ITGB1: variants seen among roughly 807,000 people sequenced by gnomAD.
ITGB1 encodes the protein integrin beta-1.
ITGB1 carries 24 observed loss-of-function variants against 86.5 expected under a neutral mutation model. That is an observed-to-expected ratio of 0.28 (90% CI 0.20 to 0.39). The LOEUF is 0.39. Ranked by LOEUF, ITGB1 falls within the 10% of genes least tolerant of loss-of-function variation. The pLI is 1.00. For missense variants in ITGB1, 556 were observed against 946.9 expected (o/e 0.59, Z 5.42); for synonymous variants, 323 against 316.8 (o/e 1.02, Z -0.21).
In ITGB1 at chr10:32,908,039, A is replaced by C. The variant is rs149220921; in HGVS notation, c.2331+329T>G. Among the ~76,000 whole-genome samples the C allele has an allele frequency of 7.2e-5, 11 of 152,248 alleles. No homozygotes were observed. The East Asian group carries it at 1.9e-3, about 27-fold the overall frequency. On this transcript the variant is annotated intron_variant, in intron 15 of 15. Transcript: ENST00000302278. ...TAAAGAAAGAAGCAGCTTTCCATTGAATAGCTTGCTACACAGATAACATTA... is the reference window on the plus strand; with the variant it reads ...TAAAGAAAGAAGCAGCTTTCCATTGCATAGCTTGCTACACAGATAACATTA...
intron 10 of ITGB1, 63 bp downstream of exon 10, chr10:32,920,182 T>C (rs2094944697): frequency 6.3e-7 from 1 of 1,576,734 alleles, no homozygotes; most frequent in South Asian, 1.1e-5. Flanking sequence ...TTTCTCAAAC[T>C]ATAAACTAAA....
At chr10:32,923,862 C>T in intron 6 of ITGB1, 122 bp from the exon 7 acceptor site, 3 of 772,938 alleles carry the variant, frequency 3.9e-6, no homozygotes, top group Middle Eastern at 2.8e-4. Flanking sequence ...TGTGTCTTCT[C>T]TTTATACAAT....
At chr10:32,923,482 C>T in intron 7 of ITGB1, 103 bp downstream of exon 7, 1 of 1,022,794 alleles carries the variant, frequency 9.8e-7, no homozygotes, top group Non-Finnish European at 1.4e-6. Context: ...ACAGCAAAAC[C>T]TCAAACCCTG....
intron 14 of ITGB1, among the ~76,000 whole-genome samples, chr10:32,909,983 T>C (rs2488320): frequency 0.46 from 69,323 of 152,012 alleles, 18,097 homozygotes; most frequent in Non-Finnish European, 0.59. Context: ...CTAAGCGTCT[T>C]ATATAAATCA....
chr10:32,935,387 G>A (rs1041152125), intron 2 of ITGB1, 105 bp downstream of exon 2: 14 of 694,676 alleles, frequency 2.0e-5, no homozygotes, highest in Admixed American at 1.4e-4. Flanking sequence ...GCTTCCAGAA[G>A]GAGCAGCATG....
At chr10:32,913,472 A>G (rs1260458602) in intron 11 of ITGB1, among the ~76,000 whole-genome samples, 1 of 152,224 alleles carries the variant, frequency 6.6e-6, no homozygotes, top group African/African-American at 2.4e-5. Flanking sequence ...AGAAGACCTT[A>G]AATGACCTGA....
intron 1 of ITGB1, among the ~76,000 whole-genome samples, chr10:32,948,243 A>T (rs554624052): frequency 1.3e-4 from 20 of 152,334 alleles, no homozygotes; most frequent in Admixed American, 3.3e-4. Context: ...GTGCTTTCTA[A>T]CAATCAGATT....
intron 1 of ITGB1, 82 bp from the exon 2 acceptor site, chr10:32,935,640 A>AC: frequency 2.1e-6 from 2 of 946,912 alleles, no homozygotes; most frequent in South Asian, 1.4e-5. Context: ...ACCCCACCGT[A>AC]CCTTCTATTG....
chr10:32,924,911 T>G (rs2094960373), intron 6 of ITGB1, among the ~76,000 whole-genome samples: 2 of 152,244 alleles, frequency 1.3e-5, no homozygotes, highest in Non-Finnish European at 2.9e-5. Flanking sequence ...GATACTATCA[T>G]GATCCCTTCT....
At chr10:32,931,072 A>AT (rs1225069487) in intron 3 of ITGB1, among the ~76,000 whole-genome samples, 2 of 152,128 alleles carry the variant, frequency 1.3e-5, no homozygotes, top group African/African-American at 2.4e-5. Context: ...TTTACATAAG[A>AT]TTTTTTAAGA....
At chr10:32,915,856 A>C (rs965557813) in intron 11 of ITGB1, among the ~76,000 whole-genome samples, 3 of 152,222 alleles carry the variant, frequency 2.0e-5, no homozygotes, top group African/African-American at 2.4e-5. Context: ...GCAGAGACAC[A>C]ACAAAGAAAG....
chr10:32,946,212 T>C (rs887601990), intron 1 of ITGB1, among the ~76,000 whole-genome samples: 2 of 152,178 alleles, frequency 1.3e-5, no homozygotes, highest in African/African-American at 4.8e-5. Flanking sequence ...AGAAAACCTA[T>C]GGAATTATGT....
intron 1 of ITGB1, chr10:32,944,572 G>C: frequency 2.0e-6 from 1 of 501,968 alleles, no homozygotes. Flanking sequence ...TTGACCAAAG[G>C]AAACTCATCC....
intron 1 of ITGB1, among the ~76,000 whole-genome samples, chr10:32,936,952 T>C (rs770098661): frequency 6.6e-6 from 1 of 152,244 alleles, no homozygotes; most frequent in Non-Finnish European, 1.5e-5. Flanking sequence ...AACAAAACTA[T>C]AGCAGATGGC....
intron 13 of ITGB1, 38 bp downstream of exon 13, chr10:32,911,410 G>C: frequency 6.5e-7 from 1 of 1,539,420 alleles, no homozygotes; most frequent in Non-Finnish European, 9.0e-7. Flanking sequence ...GAGCCAAGAG[G>C]AAGTATCAAC....
intron 3 of ITGB1, among the ~76,000 whole-genome samples, chr10:32,931,014 AAGTAAC>A (rs1465025279): frequency 6.6e-6 from 1 of 152,162 alleles, no homozygotes; most frequent in East Asian, 1.9e-4. Flanking sequence ...GTGCTGTATA[AAGTAAC>A]AGTAAGTGAA....
At chr10:32,925,057 T>A (rs1252212284) in intron 6 of ITGB1, among the ~76,000 whole-genome samples, 1 of 152,086 alleles carries the variant, frequency 6.6e-6, no homozygotes, top group African/African-American at 2.4e-5. Context: ...AAAAATTGAC[T>A]GAAAAATAAC....
At chr10:32,932,002 T>C (rs772226475) in intron 3 of ITGB1, among the ~76,000 whole-genome samples, 5 of 152,018 alleles carry the variant, frequency 3.3e-5, no homozygotes, top group Admixed American at 2.0e-4. Flanking sequence ...GCAAATCAAT[T>C]CCAGTAGTTT....
At position 32,911,689 on chromosome 10, in the gene ITGB1, T is replaced by C. The variant is rs1035144662; in HGVS notation, c.1709-19A>G. 6.2e-7 allele frequency: 1 copy of C among 1,610,326 alleles called. No homozygotes were observed. The highest frequency in any genetic ancestry group is 2.2e-5 in the East Asian group (1 of 44,842). ...CCATTTCCTGCAATTAAGCATATCA[T>C]TTCTCAAAATGGTAAAAATATACAA... On this transcript the variant is annotated intron_variant, in intron 12 of 15. Transcript: ENST00000302278.
Sources: gnomAD v4.1 joint callset for allele counts (sites outside exome capture counted in the v4.1 genomes callset) on GRCh38, gnomAD v4.1.1 for gene constraint, MANE v1.5 for transcripts, NCBI Gene and HGNC (gene_info 2026-07-23, HGNC 2026-07-21) for gene names.